The following PGAM5 variants were observed in gnomAD, a reference collection of about 807,000 sequenced individuals.
PGAM5 encodes PGAM family member 5, mitochondrial serine/threonine protein phosphatase.
In PGAM5, 25 loss-of-function variants were observed where a neutral mutation model predicts 30.6. The ratio of observed to expected loss-of-function variants is 0.82; its 90% CI spans 0.60 to 1.14. The LOEUF (loss-of-function observed/expected upper bound fraction) is 1.14, where lower values mean the gene tolerates loss of function less well. Among genes scored for constraint, PGAM5 ranks in the 50% most tolerant of loss-of-function variants. The pLI is 0.00. For synonymous variants in PGAM5, 201 were observed against 179.1 expected (o/e 1.12, Z -0.98); for missense variants, 384 against 408.5 (o/e 0.94, Z 0.52).
At chr12:132,717,663 C>A in intron 3 of PGAM5, 47 bp from the exon 4 acceptor site, 1 of 1,571,586 alleles carries the variant, frequency 6.4e-7, no homozygotes, top group Non-Finnish European at 8.6e-7. Flanking sequence ...ACAGCATCTC[C>A]GCCGGCGGGG....
At chr12:132,714,346 G>A (rs2043551461) in intron 1 of PGAM5, among the ~76,000 whole-genome samples, 1 of 152,234 alleles carries the variant, frequency 6.6e-6, no homozygotes, top group South Asian at 2.1e-4. Flanking sequence ...TAGTATGACT[G>A]AGGACATGAT....
chr12:132,718,767 C>CGCCGCTGTT (rs1566000572), intron 5 of PGAM5: 1 of 1,613,392 alleles, frequency 6.2e-7, no homozygotes, highest in Admixed American at 1.7e-5. Context: ...GGCAGCATCC[C>CGCCGCTGTT]GCCGCTGTTG....
At chr12:132,718,605 GT>G (rs538647832) in intron 5 of PGAM5, among the ~76,000 whole-genome samples, 69 of 100,846 alleles carry the variant, frequency 6.8e-4, no homozygotes, top group Non-Finnish European at 1.1e-3. Flanking sequence ...CTGGGTGGGG[GT>G]GTCCTGGGTG....
rs1184019250 is a variant in PGAM5, at chr12:132,711,086, G to C, written c.191+19G>C. On this transcript the variant is annotated intron_variant, in intron 1 of 5. Transcript: ENST00000498926. The stretch of plus-strand genomic sequence containing the variant: ...GGGACAGGTGCGCGCGGGGCTGTTT[G>C]GGGCCGGGGTCGGGATGGGGGTCAG... The C allele has an allele frequency of 8.3e-7, 1 of 1,206,990 alleles. No individual in the cohort carries two copies. The highest frequency in any genetic ancestry group is 4.4e-5 in the Admixed American group (1 of 22,742). The allele number at this position is 1,206,990 out of a possible 1,614,324, so 74.8% of individuals were successfully genotyped here. A position where few individuals can be genotyped will look rare whatever the true frequency, so the allele number is the denominator to read the frequency against.
intron 1 of PGAM5, among the ~76,000 whole-genome samples, chr12:132,714,103 C>T (rs137939072): frequency 1.2e-4 from 18 of 152,130 alleles, no homozygotes; most frequent in South Asian, 4.1e-4. Flanking sequence ...CTGCAACCTC[C>T]GCCTCCCAGG....
rs150870131 is a variant in PGAM5, at chr12:132,717,512, G to A, written c.444G>A (p.Ser148=). 1,114 of 1,610,966 alleles carry A rather than the reference G, an allele frequency of 6.9e-4. 5 individuals are homozygous for A. The African/African-American group carries it at 0.012, about 18-fold the overall frequency. The change falls in exon 3 of 6, where the codon TCG becomes TCA. Residue 148 remains serine, a synonymous_variant. Coordinates refer to ENST00000498926, the MANE Select transcript of PGAM5 (RefSeq NM_001170543.2). Reference sequence around the variant, plus strand: ...TGAAGTTTAATAAAATCGTCCATTCGTCTATGACGCGCGCCATAGAGACCA... The same window carrying A: ...TGAAGTTTAATAAAATCGTCCATTCATCTATGACGCGCGCCATAGAGACCA... ...LGLKFNKIVH[S]SMTRAIETTD...
intron 5 of PGAM5, 91 bp from the exon 6 acceptor site, chr12:132,720,587 T>C (rs548162658): frequency 7.4e-5 from 100 of 1,359,168 alleles, no homozygotes; most frequent in South Asian, 6.3e-4. Flanking sequence ...ATTACAGGTG[T>C]GAGCCACCAT....
At position 132,717,478 on chromosome 12, in the gene PGAM5, G is replaced by T; in HGVS notation, c.410G>T (p.Ser137Ile). 1 of 1,610,124 alleles carries T rather than the reference G, an allele frequency of 6.2e-7. No homozygotes were observed. ...QAELTGLRLA[S>I]LGLKFNKIVH... ...GAACTCACTGGGCTCCGCCTGGCAA[G>T]CTTGGGGTTGAAGTTTAATAAAATC... The change falls in exon 3 of 6, where the codon AGC becomes ATC. Residue 137 changes from serine (S) to isoleucine (I), a missense_variant. By Grantham distance (142) the Ser-to-Ile change is moderately radical. Coordinates refer to ENST00000498926, the MANE Select transcript of PGAM5 (RefSeq NM_001170543.2).
At chr12:132,719,298 G>C in intron 5 of PGAM5, 1 of 1,010,090 alleles carries the variant, frequency 9.9e-7, no homozygotes, top group Non-Finnish European at 1.2e-6. Context: ...GTGAGGCTGG[G>C]CCCTGGTCTC....
chr12:132,720,772 C>G lies in PGAM5; in HGVS notation c.814C>G (p.Leu272Val). 1 of 1,536,500 alleles carries G rather than the reference C, an allele frequency of 6.5e-7. No individual in the cohort carries two copies. The highest frequency in any genetic ancestry group is 1.2e-5 in the South Asian group (1 of 84,058). The change falls in exon 6 of 6, where the codon CTC becomes GTC. Residue 272 changes from leucine to valine, a missense_variant. Leu to Val is a conservative substitution (Grantham distance 32, BLOSUM62 1). Coordinates refer to ENST00000498926, the MANE Select transcript of PGAM5 (RefSeq NM_001170543.2). ...GATCCGACCCAACGGCCGAGTTGCGCTCAGGACCCTCGGGGACACGGGGTT... is the reference window on the plus strand; with the variant it reads ...GATCCGACCCAACGGCCGAGTTGCGGTCAGGACCCTCGGGGACACGGGGTT... ...LVIRPNGRVA[L>V]RTLGDTGFMP...
At chr12:132,714,021 A>G (rs748027894) in intron 1 of PGAM5, among the ~76,000 whole-genome samples, 11 of 151,286 alleles carry the variant, frequency 7.3e-5, no homozygotes, top group African/African-American at 1.7e-4. Flanking sequence ...GTGTTTGTTT[A>G]TTTATTTATT....
intron 1 of PGAM5, among the ~76,000 whole-genome samples, chr12:132,712,023 G>A (rs888270591): frequency 4.6e-5 from 7 of 152,164 alleles, no homozygotes; most frequent in Admixed American, 1.3e-4. Context: ...CTTTGAGAAA[G>A]GGGGCACAGA....
chr12:132,720,351 A>G (rs941301918), intron 5 of PGAM5, among the ~76,000 whole-genome samples: 18 of 146,666 alleles, frequency 1.2e-4, no homozygotes, highest in Non-Finnish European at 1.6e-4. Flanking sequence ...TCTGTCACCC[A>G]GGCTGGAGTG....
intron 2 of PGAM5, among the ~76,000 whole-genome samples, 177 bp downstream of exon 2, chr12:132,715,213 C>G (rs991841220): frequency 6.6e-6 from 1 of 152,210 alleles, no homozygotes; most frequent in Non-Finnish European, 1.5e-5. Flanking sequence ...ACCATCACCC[C>G]TGAATCACAC....
At position 132,717,488 on chromosome 12, in the gene PGAM5, G is replaced by A; in HGVS notation, c.420G>A (p.Leu140=). 6.2e-7 allele frequency: 1 copy of A among 1,610,632 alleles called. No homozygotes were observed. Among genetic ancestry groups the A allele is most frequent in the African/African-American group, 1.3e-5 (1 of 75,034 alleles). The change falls in exon 3 of 6, where the codon TTG becomes TTA. Residue 140 remains leucine (L), a synonymous_variant. Coordinates refer to ENST00000498926, the MANE Select transcript of PGAM5 (RefSeq NM_001170543.2). The part of the protein sequence containing the change: ...LTGLRLASLG[L]KFNKIVHSSM... ...GGCTCCGCCTGGCAAGCTTGGGGTT[G>A]AAGTTTAATAAAATCGTCCATTCGT...
At position 132,716,223 on chromosome 12, in the gene PGAM5, C is replaced by T. The variant is rs58139422; in HGVS notation, c.370+1187C>T. On this transcript the variant is annotated intron_variant, in intron 2 of 5. Transcript: ENST00000498926. ...GCCTCAGGCTCCCAAGTAGCTGGGA[C>T]TACAGGCACACGCTGCCACTCCCAG... Among the ~76,000 whole-genome samples the T allele has an allele frequency of 4.0e-3, 609 of 152,136 alleles. 8 individuals carry two copies. Among genetic ancestry groups the T allele is most frequent in the African/African-American group, 0.014 (564 of 41,514 alleles).
intron 2 of PGAM5, among the ~76,000 whole-genome samples, chr12:132,716,773 T>TA (rs550148246): frequency 1.5e-3 from 223 of 152,290 alleles, no homozygotes; most frequent in Middle Eastern, 0.01. Context: ...ATGCACATAC[T>TA]AAAAGTTCAG....
At chr12:132,716,367 G>A (rs1392369653) in intron 2 of PGAM5, among the ~76,000 whole-genome samples, 1 of 151,466 alleles carries the variant, frequency 6.6e-6, no homozygotes, top group Non-Finnish European at 1.5e-5. Context: ...TTACAGGCGT[G>A]AGCCACCACA....
At chr12:132,713,210 T>C (rs546047205) in intron 1 of PGAM5, among the ~76,000 whole-genome samples, 1 of 152,274 alleles carries the variant, frequency 6.6e-6, no homozygotes, top group South Asian at 2.1e-4. Flanking sequence ...AGCCCAGCCT[T>C]TCTCTTTTAA....
Sources: gnomAD v4.1 joint callset for allele counts (sites outside exome capture counted in the v4.1 genomes callset) on GRCh38, gnomAD v4.1.1 for gene constraint, MANE v1.5 for transcripts, NCBI Gene and HGNC (gene_info 2026-07-23, HGNC 2026-07-21) for gene names.